The following HS1BP3 variants were observed in gnomAD, a reference collection of about 807,000 sequenced individuals.
The protein encoded by HS1BP3 is HCLS1-binding protein 3.
A neutral mutation model predicts 33.5 loss-of-function variants in HS1BP3; 32 were observed. The observed-to-expected ratio is 0.95, with a 90% confidence interval of 0.72 to 1.28. The LOEUF is 1.28. Ranked by LOEUF, HS1BP3 falls within the 50% of genes most tolerant of loss-of-function variation. The pLI is 0.00. For synonymous variants in HS1BP3, 187 were observed against 209.2 expected (o/e 0.89, Z 0.92); for missense variants, 486 against 502.3 (o/e 0.97, Z 0.31).
At chr2:20,639,171 G>C (rs1215977046) in intron 3 of HS1BP3, among the ~76,000 whole-genome samples, 1 of 152,196 alleles carries the variant, frequency 6.6e-6, no homozygotes, top group Non-Finnish European at 1.5e-5. Flanking sequence ...GGGTGCCCAG[G>C]GTAAGCATGT....
intron 5 of HS1BP3, among the ~76,000 whole-genome samples, chr2:20,583,764 G>A (rs1018849713): frequency 1.3e-5 from 2 of 152,190 alleles, no homozygotes; most frequent in African/African-American, 4.8e-5. Context: ...CCTCAGAGGA[G>A]CCTCTCATCA....
At chr2:20,603,809 G>C (rs1694118666) in intron 2 of HS1BP3, among the ~76,000 whole-genome samples, 1 of 152,242 alleles carries the variant, frequency 6.6e-6, no homozygotes, top group South Asian at 2.1e-4. Flanking sequence ...TCAGTAGACT[G>C]TTAATGGGAA....
intron 3 of HS1BP3, among the ~76,000 whole-genome samples, chr2:20,639,522 CTTGTAGGTAAA>C (rs1460366378): frequency 6.6e-6 from 1 of 152,176 alleles, no homozygotes; most frequent in African/African-American, 2.4e-5. Flanking sequence ...ATAAAATCAC[CTTGTAGGTAAA>C]GAACTTAGAG....
At chr2:20,598,634 C>T (rs1421269125) in intron 2 of HS1BP3, among the ~76,000 whole-genome samples, 1 of 145,204 alleles carries the variant, frequency 6.9e-6, no homozygotes, top group Non-Finnish European at 1.5e-5. Flanking sequence ...TCTCGGCTCA[C>T]TGCAAGCTCC....
intron 4 of HS1BP3, among the ~76,000 whole-genome samples, chr2:20,629,743 C>G (rs1444461756): frequency 1.3e-5 from 2 of 152,374 alleles, no homozygotes; most frequent in East Asian, 3.9e-4. Flanking sequence ...ACCCGCTTTC[C>G]TGCTGTGTAT....
chr2:20,610,055 A>AT (rs1166339583), intron 2 of HS1BP3, among the ~76,000 whole-genome samples: 7 of 151,836 alleles, frequency 4.6e-5, no homozygotes, highest in East Asian at 1.9e-4. Flanking sequence ...TTTTAAGTAG[A>AT]TTTTTTTTAA....
intron 6 of HS1BP3, among the ~76,000 whole-genome samples, chr2:20,620,851 T>C (rs186833098): frequency 1.4e-4 from 21 of 152,284 alleles, no homozygotes; most frequent in Non-Finnish European, 2.8e-4. Context: ...AAGCAGTGCC[T>C]CCACCTACAA....
intron 2 of HS1BP3, among the ~76,000 whole-genome samples, chr2:20,599,654 T>G (rs927541606): frequency 1.5e-5 from 2 of 132,578 alleles, no homozygotes; most frequent in African/African-American, 5.8e-5. Flanking sequence ...ACACACTCTG[T>G]TTTTTTTTTT....
At chr2:20,612,620 T>C (rs1405866845) in intron 2 of HS1BP3, among the ~76,000 whole-genome samples, 1 of 152,224 alleles carries the variant, frequency 6.6e-6, no homozygotes, top group East Asian at 1.9e-4. Flanking sequence ...TTGAGGTAGA[T>C]CCATATTGCA....
At chr2:20,609,231 G>T (rs996509998) in intron 2 of HS1BP3, among the ~76,000 whole-genome samples, 5 of 152,214 alleles carry the variant, frequency 3.3e-5, no homozygotes, top group Non-Finnish European at 7.3e-5. Context: ...AATAGTGCCT[G>T]TGAGAAGTCA....
intron 2 of HS1BP3, among the ~76,000 whole-genome samples, chr2:20,644,674 C>T (rs1027635565): frequency 2.0e-5 from 3 of 152,216 alleles, no homozygotes; most frequent in African/African-American, 7.2e-5. Context: ...TTGGGAATGA[C>T]CATATTGGCC....
chr2:20,629,173 G>A (rs112254057), intron 4 of HS1BP3, among the ~76,000 whole-genome samples: 15 of 152,160 alleles, frequency 9.9e-5, no homozygotes, highest in African/African-American at 2.7e-4. Context: ...TGACAGGTGC[G>A]TCACTCAGTC....
At position 20,647,572 on chromosome 2, in the gene HS1BP3, C is replaced by T. The variant is rs530607961; in HGVS notation, c.33-2067G>A. On this transcript the variant is annotated intron_variant, in intron 1 of 6. Transcript: ENST00000304031. ...AACTTGTAAGAAAGGCATGTTCGGGCCTAGGGTGGCCAGCCATCTTGTTTT... is the reference window on the plus strand; with the variant it reads ...AACTTGTAAGAAAGGCATGTTCGGGTCTAGGGTGGCCAGCCATCTTGTTTT... 9.9e-5 allele frequency among the ~76,000 whole-genome samples: 15 copies of T among 152,276 alleles called. No homozygotes were observed. In the East Asian group the frequency reaches 1.3e-3, roughly 14 times the overall value.
chr2:20,650,596 C>G (rs1399869738), intron 1 of HS1BP3, among the ~76,000 whole-genome samples: 1 of 152,254 alleles, frequency 6.6e-6, no homozygotes, highest in East Asian at 1.9e-4. Context: ...ACCCCCTCTC[C>G]GCTGCAGCCC....
At chr2:20,624,472 G>A (rs1056583738) in intron 5 of HS1BP3, among the ~76,000 whole-genome samples, 2 of 152,316 alleles carry the variant, frequency 1.3e-5, no homozygotes, top group Admixed American at 6.5e-5. Flanking sequence ...AGGCGACACA[G>A]AGTCCCATTA....
rs544970848 is a variant in HS1BP3 at position 20,573,212 on chromosome 2, G to A, written c.303-12697C>T. On this transcript the variant is annotated intron_variant, in intron 5 of 5. Transcript: ENST00000446825. Reference sequence around the variant, plus strand: ...TGAGACTTTTCTGGATTTAGGGTAGGTCTACATGCCCGGAGCCTCCAGAAG... The same window carrying A: ...TGAGACTTTTCTGGATTTAGGGTAGATCTACATGCCCGGAGCCTCCAGAAG... Among the ~76,000 whole-genome samples, 8 of 152,266 alleles carry A rather than the reference G, an allele frequency of 5.3e-5. No homozygotes were observed. In the South Asian group the frequency reaches 1.5e-3, roughly 28 times the overall value.
intron 5 of HS1BP3, among the ~76,000 whole-genome samples, chr2:20,572,090 C>T (rs1693287974): frequency 6.6e-6 from 1 of 152,232 alleles, no homozygotes; most frequent in South Asian, 2.1e-4. Flanking sequence ...TTACCCCCTG[C>T]ACTCTTTCCT....
At chr2:20,598,135 A>G in intron 3 of HS1BP3, 1 of 200,476 alleles carries the variant, frequency 5.0e-6, no homozygotes, top group Non-Finnish European at 1.1e-5. Flanking sequence ...ACTCAAGCAC[A>G]TTACATTTTT....
chr2:20,592,224 C>G (rs1231824512), downstream of HS1BP3, among the ~76,000 whole-genome samples: 1 of 152,168 alleles, frequency 6.6e-6, no homozygotes, highest in African/African-American at 2.4e-5. Context: ...TTTTGGGAGG[C>G]TGAGGCACTA....
Sources: allele counts gnomAD v4.1 joint callset (sites outside exome capture counted in the v4.1 genomes callset), GRCh38; gene constraint gnomAD v4.1.1; transcripts MANE v1.5; gene names NCBI Gene and HGNC (gene_info 2026-07-23, HGNC 2026-07-21).